Variants in UST observed in about 807,000 individuals in gnomAD.
UST encodes the protein chondroitin sulfate 2-O-sulfotransferase.
In UST, 21 loss-of-function variants were observed where a neutral mutation model predicts 45.6. The ratio of observed to expected loss-of-function variants is 0.46; its 90% confidence interval spans 0.33 to 0.66. UST has a LOEUF of 0.66. UST is among the 30% of genes least tolerant of loss of function. The pLI is 0.02. For missense variants in UST, 463 were observed against 512.4 expected, an observed-to-expected ratio of 0.90 and a Z score of 0.93; for synonymous variants, 215 against 200.6, an observed-to-expected ratio of 1.07 and a Z score of -0.61.
intron 5 of UST, among the ~76,000 whole-genome samples, chr6:148,990,637 A>G (rs1781330910): frequency 6.6e-6 from 1 of 152,160 alleles, no homozygotes; most frequent in Non-Finnish European, 1.5e-5. Flanking sequence ...AGCCAGCAGG[A>G]AACAGTAGCA....
chr6:148,874,860 A>G (rs534749489), intron 1 of UST, among the ~76,000 whole-genome samples: 5 of 152,284 alleles, frequency 3.3e-5, no homozygotes, highest in Admixed American at 2.0e-4. Context: ...TTAACGGTGG[A>G]AAGTGTGGCA....
intron 2 of UST, among the ~76,000 whole-genome samples, chr6:148,922,332 A>T (rs770363384): frequency 1.4e-5 from 2 of 148,096 alleles, no homozygotes; most frequent in Admixed American, 6.8e-5. Flanking sequence ...TGAGCATTTC[A>T]TATAAGTGGA....
chr6:148,804,555 T>C (rs888935920), intron 1 of UST, among the ~76,000 whole-genome samples: 5 of 152,220 alleles, frequency 3.3e-5, no homozygotes. Context: ...CGTGCCATCC[T>C]TACATTTCCT....
intron 2 of UST, among the ~76,000 whole-genome samples, chr6:148,908,729 A>G (rs1054623649): frequency 1.3e-5 from 2 of 152,182 alleles, no homozygotes; most frequent in Non-Finnish European, 2.9e-5. Context: ...TCAGCTACCT[A>G]TATCTAGTTC....
Position 149,037,961 on chromosome 6 carries a change from G to A in UST, c.937+16480G>A, listed in dbSNP as rs76027962. ...GCATCTGGGGCCTCCGAGGCGCCAT[G>A]ATTCTTCCATAGGGTTTGGCCTTCT... On this transcript the variant is annotated intron_variant, in intron 7 of 7. Transcript: ENST00000367463. Among the ~76,000 whole-genome samples the A allele has an allele frequency of 7.5e-3, 1,149 of 152,300 alleles. 16 individuals are homozygous for A. The highest frequency in any genetic ancestry group is 0.026 in the African/African-American group (1,095 of 41,564).
At chr6:148,924,911 G>C (rs989793099) in intron 2 of UST, among the ~76,000 whole-genome samples, 1 of 152,160 alleles carries the variant, frequency 6.6e-6, no homozygotes, top group African/African-American at 2.4e-5. Context: ...AAAAGCAGGC[G>C]TGACTATGCC....
intron 5 of UST, among the ~76,000 whole-genome samples, chr6:148,989,372 C>T (rs913276457): frequency 6.6e-6 from 1 of 152,100 alleles, no homozygotes; most frequent in Non-Finnish European, 1.5e-5. Context: ...AAATCCAAGT[C>T]CTGAATTTCT....
chr6:149,023,097 C>G (rs7774457), intron 7 of UST, among the ~76,000 whole-genome samples: 103,994 of 147,610 alleles, frequency 0.7, 36,536 homozygotes, highest in African/African-American at 0.76. Context: ...TTATCTTGTT[C>G]TATGGTGTGT....
rs141105736 is a variant in UST at position 148,771,405 on chromosome 6, G to A, written c.247+23728G>A. ...TTGTAGAGCTGTTCAGCCTTCCAACGCTTGTTGGATGACATCCAGCCCCAC... is the reference window on the plus strand; with the variant it reads ...TTGTAGAGCTGTTCAGCCTTCCAACACTTGTTGGATGACATCCAGCCCCAC... On this transcript the variant is annotated intron_variant, in intron 1 of 7. Transcript: ENST00000367463. Among the ~76,000 whole-genome samples, 500 of 152,274 alleles carry A rather than the reference G, an allele frequency of 3.3e-3. 5 individuals are homozygous for A. The highest frequency in any genetic ancestry group is 0.012 in the African/African-American group (480 of 41,570).
At chr6:148,772,082 C>T (rs1036200487) in intron 1 of UST, among the ~76,000 whole-genome samples, 5 of 152,198 alleles carry the variant, frequency 3.3e-5, no homozygotes, top group African/African-American at 9.7e-5. Flanking sequence ...TAATATCAAA[C>T]CACAGCTCAG....
intron 1 of UST, among the ~76,000 whole-genome samples, chr6:148,823,182 G>A (rs1419968839): frequency 1.3e-5 from 2 of 152,154 alleles, no homozygotes; most frequent in Non-Finnish European, 2.9e-5. Flanking sequence ...TTTTTGGAGT[G>A]CTTTTCTTGC....
At chr6:149,045,517 T>C (rs1391137817) in intron 7 of UST, among the ~76,000 whole-genome samples, 1 of 152,154 alleles carries the variant, frequency 6.6e-6, no homozygotes, top group African/African-American at 2.4e-5. Flanking sequence ...AGAGAGGACA[T>C]GGATGGCGCT....
At chr6:149,005,720 T>G (rs1215413929) in intron 5 of UST, 1 of 680,142 alleles carries the variant, frequency 1.5e-6, no homozygotes, top group Non-Finnish European at 1.8e-6. Context: ...TATTTATTTA[T>G]TCTTCTGTGT....
intron 2 of UST, among the ~76,000 whole-genome samples, chr6:148,925,871 C>A (rs910741231): frequency 1.3e-5 from 2 of 152,184 alleles, no homozygotes; most frequent in African/African-American, 4.8e-5. Context: ...GACTTCTGAG[C>A]AAATGAGTGT....
chr6:149,053,654 C>T (rs1479462607), intron 7 of UST, among the ~76,000 whole-genome samples: 2 of 152,138 alleles, frequency 1.3e-5, no homozygotes, highest in African/African-American at 4.8e-5. Context: ...AGGAGGTGAA[C>T]CGATGGTGCT....
At chr6:148,878,312 A>T (rs1778745801) in intron 1 of UST, among the ~76,000 whole-genome samples, 1 of 39,880 alleles carries the variant, frequency 2.5e-5, no homozygotes, top group Non-Finnish European at 4.3e-5. Flanking sequence ...GGGGTCATGT[A>T]TGAGTGCGGG....
At chr6:149,004,903 A>T (rs1002856484) in intron 5 of UST, among the ~76,000 whole-genome samples, 2 of 152,096 alleles carry the variant, frequency 1.3e-5, no homozygotes, top group Non-Finnish European at 2.9e-5. Flanking sequence ...GTGCGATCAC[A>T]GCTCACTGCA....
chr6:148,994,837 G>A (rs979677466), intron 5 of UST, among the ~76,000 whole-genome samples: 5 of 151,924 alleles, frequency 3.3e-5, no homozygotes. Flanking sequence ...TCAAGTCCTT[G>A]CATTTCCAGG....
intron 5 of UST, among the ~76,000 whole-genome samples, chr6:148,978,527 A>G (rs1271608499): frequency 1.3e-5 from 2 of 152,218 alleles, no homozygotes; most frequent in African/African-American, 2.4e-5. Context: ...TTGCAGGGAC[A>G]TGGATGAAGC....
Sources: allele counts gnomAD v4.1 joint callset (sites outside exome capture counted in the v4.1 genomes callset), GRCh38; gene constraint gnomAD v4.1.1; transcripts MANE v1.5; gene names NCBI Gene and HGNC (gene_info 2026-07-23, HGNC 2026-07-21).